PBX3: variants seen among roughly 807,000 people sequenced by gnomAD.
The protein encoded by PBX3 is pre-B-cell leukemia transcription factor 3.
Under a neutral mutation model 48.5 loss-of-function variants are expected in PBX3, and 14 were observed. That is an observed-to-expected ratio of 0.29 (90% CI 0.19 to 0.45). The LOEUF (loss-of-function observed/expected upper bound fraction) is 0.45. PBX3 is among the 20% of genes least tolerant of loss of function. PBX3 has a pLI of 1.00. For missense variants in PBX3, 386 were observed against 546.7 expected, an observed-to-expected ratio of 0.71 and a Z score of 2.93; for synonymous variants, 210 against 200.3, an observed-to-expected ratio of 1.05 and a Z score of -0.41.
At chr9:125,905,748 A>G (rs1036106771) in intron 2 of PBX3, among the ~76,000 whole-genome samples, 1 of 151,932 alleles carries the variant, frequency 6.6e-6, no homozygotes, top group Non-Finnish European at 1.5e-5. Context: ...ACCTAGTTAA[A>G]CCAGCCACTT....
rs1222961611 is a variant in PBX3, at chr9:125,939,272, CAAAG to C, written c.843+3668_843+3671del. ...ACTCCTATAAATTAATAAGAAAAGA[CAAAG>C]AACCGATTTCAAAAATAGGCAAAAG... On this transcript the variant is annotated intron_variant, in intron 5 of 8. Transcript: ENST00000373489. 6.6e-5 allele frequency among the ~76,000 whole-genome samples: 10 copies of C among 151,826 alleles called. No homozygotes were observed. In the South Asian group the frequency reaches 1.9e-3, roughly 28 times the overall value.
intron 5 of PBX3, chr9:125,949,510 C>T (rs1842142684): frequency 6.5e-7 from 1 of 1,548,950 alleles, no homozygotes; most frequent in African/African-American, 1.4e-5. Flanking sequence ...TTCTTAGTCT[C>T]TGATGGACCT....
chr9:125,767,372 G>A (rs1836826886), intron 2 of PBX3, among the ~76,000 whole-genome samples: 1 of 152,178 alleles, frequency 6.6e-6, no homozygotes, highest in African/African-American at 2.4e-5. Flanking sequence ...TATTTGGCTG[G>A]TGAATAGTTT....
intron 3 of PBX3, among the ~76,000 whole-genome samples, chr9:125,927,328 A>G (rs1294926839): frequency 6.6e-6 from 1 of 152,232 alleles, no homozygotes; most frequent in African/African-American, 2.4e-5. Flanking sequence ...GGCTTAAAAC[A>G]TATTTTTGAA....
intron 2 of PBX3, among the ~76,000 whole-genome samples, chr9:125,905,068 C>T (rs1475053091): frequency 1.3e-5 from 2 of 151,878 alleles, no homozygotes; most frequent in African/African-American, 2.4e-5. Flanking sequence ...TATCTTAATG[C>T]ATGCATATTT....
At chr9:125,758,916 T>C (rs906378812) in intron 2 of PBX3, among the ~76,000 whole-genome samples, 2 of 152,180 alleles carry the variant, frequency 1.3e-5, no homozygotes, top group Admixed American at 6.5e-5. Context: ...CTTAAACTTG[T>C]AGCAATGCTC....
chr9:125,928,874 G>A (rs1275121882), intron 3 of PBX3, among the ~76,000 whole-genome samples: 1 of 152,146 alleles, frequency 6.6e-6, no homozygotes, highest in Non-Finnish European at 1.5e-5. Context: ...TCCACTAAAG[G>A]CCTGCACTAC....
chr9:125,902,591 A>G (rs963110525), intron 2 of PBX3, among the ~76,000 whole-genome samples: 3 of 151,872 alleles, frequency 2.0e-5, no homozygotes, highest in South Asian at 2.1e-4. Flanking sequence ...CACAATACAC[A>G]TATAAAAATG....
intron 2 of PBX3, among the ~76,000 whole-genome samples, chr9:125,891,382 A>C (rs557468281): frequency 6.6e-6 from 1 of 152,222 alleles, no homozygotes; most frequent in Non-Finnish European, 1.5e-5. Flanking sequence ...ATATCTGACC[A>C]TTTGTGACTT....
chr9:125,915,621 C>T, intron 2 of PBX3, 65 bp from the exon 3 acceptor site: 1 of 1,234,058 alleles, frequency 8.1e-7, no homozygotes, highest in African/African-American at 1.5e-5. Context: ...AAACAAAATA[C>T]TCACACTATT....
intron 2 of PBX3, among the ~76,000 whole-genome samples, chr9:125,823,564 T>G (rs1012416546): frequency 6.7e-6 from 1 of 150,218 alleles, no homozygotes; most frequent in Non-Finnish European, 1.5e-5. Flanking sequence ...TTAAATAAAG[T>G]TTTAAAGGCT....
At position 125,938,785 on chromosome 9, in the gene PBX3, G is replaced by A. The variant is rs143519189; in HGVS notation, c.843+3178G>A. ...CCCTAGACTGGATTCTGTACTGTGG[G>A]GAAAACCATACCATAAAAGATATTA... On this transcript the variant is annotated intron_variant, in intron 5 of 8. Transcript: ENST00000373489. 9.2e-5 allele frequency among the ~76,000 whole-genome samples: 14 copies of A among 152,246 alleles called. No individual in the cohort carries two copies. In the East Asian group the frequency reaches 2.7e-3, roughly 29 times the overall value.
intron 2 of PBX3, among the ~76,000 whole-genome samples, chr9:125,905,998 T>C (rs1564166913): frequency 6.6e-6 from 1 of 151,998 alleles, no homozygotes; most frequent in Non-Finnish European, 1.5e-5. Flanking sequence ...CTTTTTGAAG[T>C]TCACCATTGA....
chr9:125,774,427 G>A (rs1837018650), intron 2 of PBX3, among the ~76,000 whole-genome samples: 1 of 152,046 alleles, frequency 6.6e-6, no homozygotes, highest in African/African-American at 2.4e-5. Flanking sequence ...CCAGCCCCTG[G>A]CAACCACCAA....
chr9:125,823,791 C>G (rs1380383827), intron 2 of PBX3, among the ~76,000 whole-genome samples: 1 of 152,034 alleles, frequency 6.6e-6, no homozygotes, highest in Non-Finnish European at 1.5e-5. Flanking sequence ...GAAAAGTAGG[C>G]TAGGCTGGGC....
intron 2 of PBX3, among the ~76,000 whole-genome samples, chr9:125,765,413 G>A (rs1453987052): frequency 2.0e-5 from 3 of 152,084 alleles, no homozygotes; most frequent in African/African-American, 7.2e-5. Context: ...GCCTCCCAGA[G>A]TGCTGGGATT....
At chr9:125,769,409 A>G (rs900760023) in intron 2 of PBX3, among the ~76,000 whole-genome samples, 1 of 152,216 alleles carries the variant, frequency 6.6e-6, no homozygotes, top group Non-Finnish European at 1.5e-5. Context: ...CAGAACTACA[A>G]GTCTGTGTAA....
In PBX3 at chr9:125,958,215, C is replaced by T. The variant is rs576478617; in HGVS notation, c.844-2469C>T. ...TCTCTGGCTTGTCCCTCTCCACTGA[C>T]CCCAGAGCTAGTCAGTGGCCAGATT... On this transcript the variant is annotated intron_variant, in intron 5 of 8. Coordinates refer to ENST00000373489, the MANE Select transcript of PBX3 (RefSeq NM_006195.6). 3.2e-4 allele frequency among the ~76,000 whole-genome samples: 28 copies of T among 87,474 alleles called. No individual in the cohort carries two copies. The South Asian group carries it at 0.011, about 34-fold the overall frequency. 57.4% of individuals were successfully genotyped at this position (87,474 alleles called of 152,430 possible).
intron 2 of PBX3, among the ~76,000 whole-genome samples, chr9:125,772,184 CTTA>C (rs1470775368): frequency 1.3e-5 from 2 of 152,246 alleles, no homozygotes; most frequent in Non-Finnish European, 1.5e-5. Flanking sequence ...CACTAAAATG[CTTA>C]TTATGTGAAG....
Sources: allele counts gnomAD v4.1 joint callset (sites outside exome capture counted in the v4.1 genomes callset), GRCh38; gene constraint gnomAD v4.1.1; transcripts MANE v1.5; gene names NCBI Gene and HGNC (gene_info 2026-07-23, HGNC 2026-07-21).